MICAL2: variants seen among roughly 807,000 people sequenced by gnomAD.
MICAL2 encodes the protein [F-actin]-monooxygenase MICAL2.
Under a neutral mutation model 127.3 loss-of-function variants are expected in MICAL2, and 77 were observed. That is an observed-to-expected ratio of 0.60 (90% CI 0.50 to 0.73). The LOEUF (loss-of-function observed/expected upper bound fraction) is 0.73. Among genes scored for constraint, MICAL2 ranks in the 30% least tolerant of loss-of-function variants. The probability of loss-of-function intolerance (pLI) is 0.00; values close to 1 mark genes in which losing one functional copy is unlikely to be tolerated. For missense variants in MICAL2, 1,351 were observed against 1,434.4 expected, an observed-to-expected ratio of 0.94 and a Z score of 0.94; for synonymous variants, 570 against 551.1, an observed-to-expected ratio of 1.03 and a Z score of -0.48.
intron 15 of MICAL2, among the ~76,000 whole-genome samples, chr11:12,233,212 A>G (rs991714590): frequency 6.6e-5 from 10 of 152,240 alleles, no homozygotes; most frequent in Non-Finnish European, 1.0e-4. Flanking sequence ...CAGCTTATGA[A>G]CTAAACAATA....
chr11:12,220,171 G>A, intron 8 of MICAL2, 30 bp from the exon 9 acceptor site: 3 of 1,612,576 alleles, frequency 1.9e-6, no homozygotes, highest in Admixed American at 1.7e-5. Flanking sequence ...AGAGGGGGAG[G>A]TTGCTGCACC....
At chr11:12,294,518 C>A (rs563980501), downstream of MICAL2, 3 of 1,614,144 alleles carry the variant, frequency 1.9e-6, no homozygotes, top group East Asian at 2.2e-5. Context: ...TAGGTCCCCA[C>A]CCTGCAGCAA....
At chr11:12,182,475 C>T (rs567657481) in intron 3 of MICAL2, among the ~76,000 whole-genome samples, 12 of 152,230 alleles carry the variant, frequency 7.9e-5, no homozygotes, top group African/African-American at 2.4e-4. Flanking sequence ...TCTAACACAC[C>T]GTAGCGGCTT....
Position 12,125,366 on chromosome 11 carries a change from G to C in MICAL2, c.-148-13024G>C, listed in dbSNP as rs563777616. ...CCTCCTGGGTTCAAGTGCTTCTCCTGCCTCGACCTCCCGAGTAGCTGGGAA... is the reference window on the plus strand; with the variant it reads ...CCTCCTGGGTTCAAGTGCTTCTCCTCCCTCGACCTCCCGAGTAGCTGGGAA... On this transcript the variant is annotated intron_variant, in intron 1 of 27. Coordinates refer to ENST00000683283, the MANE Select transcript of MICAL2 (RefSeq NM_001282663.2). Among the ~76,000 whole-genome samples, 10 of 152,316 alleles carry C rather than the reference G, an allele frequency of 6.6e-5. 1 individual carries two copies. The East Asian group carries it at 1.5e-3, about 24-fold the overall frequency.
At chr11:12,141,227 C>T (rs1380186293) in intron 2 of MICAL2, among the ~76,000 whole-genome samples, 3 of 152,160 alleles carry the variant, frequency 2.0e-5, no homozygotes, top group Non-Finnish European at 4.4e-5. Flanking sequence ...GAGCCATGTT[C>T]TAGTGTTGAC....
chr11:12,200,045 A>G (rs1298699439), intron 3 of MICAL2, among the ~76,000 whole-genome samples: 2 of 152,134 alleles, frequency 1.3e-5, no homozygotes. Flanking sequence ...CCAGAACTGG[A>G]TGGGTGGAGA....
chr11:12,224,480 C>A (rs1188783240), intron 12 of MICAL2, 193 bp from the exon 13 acceptor site: 1 of 619,706 alleles, frequency 1.6e-6, no homozygotes. Context: ...TCCCCTCCTG[C>A]CACACTCCTG....
downstream of MICAL2, chr11:12,292,221 C>A (rs1174008970): frequency 8.1e-6 from 13 of 1,614,076 alleles, no homozygotes; most frequent in Admixed American, 1.7e-5. Flanking sequence ...TCATCGTCTT[C>A]CCATTCATCT....
downstream of MICAL2, among the ~76,000 whole-genome samples, chr11:12,359,901 A>G (rs987580335): frequency 1.3e-5 from 2 of 152,218 alleles, no homozygotes; most frequent in African/African-American, 4.8e-5. Flanking sequence ...CTGGAGACCA[A>G]ATTTCTCTCA....
intron 32 of MICAL2, among the ~76,000 whole-genome samples, chr11:12,342,587 T>C (rs1938884329): frequency 6.6e-6 from 1 of 152,248 alleles, no homozygotes; most frequent in African/African-American, 2.4e-5. Flanking sequence ...TGTGGTATGG[T>C]ATAGTTTACT....
Position 12,204,421 on chromosome 11 carries a change from T to C in MICAL2, c.436T>C (p.Tyr146His). ...TCGTGGCCTGGGAGCCAAGAAGTTC[T>C]ATGGGAAGTTCTGTGCTGGCTCCAT... is the stretch of plus-strand genomic sequence containing the variant. ...DLRGLGAKKF[Y>H]GKFCAGSIDH... The change falls in exon 4 of 28, where the codon TAT becomes CAT. Residue 146 changes from tyrosine (Y) to histidine (H), a missense_variant. Coordinates refer to ENST00000683283, the MANE Select transcript of MICAL2 (RefSeq NM_001282663.2). The C allele has an allele frequency of 6.2e-7, 1 of 1,614,206 alleles. No individual in the cohort carries two copies.
At chr11:12,300,355 T>A (rs914092829) in intron 29 of MICAL2, among the ~76,000 whole-genome samples, 1 of 152,344 alleles carries the variant, frequency 6.6e-6, no homozygotes, top group Non-Finnish European at 1.5e-5. Flanking sequence ...GGATTTCATT[T>A]CATCCCATGA....
chr11:12,132,402 C>G (rs1851493040), intron 1 of MICAL2, among the ~76,000 whole-genome samples: 1 of 152,244 alleles, frequency 6.6e-6, no homozygotes, highest in Non-Finnish European at 1.5e-5. Context: ...GGCACCATAT[C>G]TCACCCAGGA....
intron 3 of MICAL2, among the ~76,000 whole-genome samples, chr11:12,192,498 G>T (rs914279963): frequency 5.3e-5 from 8 of 152,220 alleles, no homozygotes; most frequent in Non-Finnish European, 1.2e-4. Context: ...CAGAAGCAAG[G>T]CACGGTGGCT....
At chr11:12,154,616 G>A (rs1291646342) in intron 2 of MICAL2, among the ~76,000 whole-genome samples, 1 of 152,174 alleles carries the variant, frequency 6.6e-6, no homozygotes, top group Non-Finnish European at 1.5e-5. Context: ...AGTTGAAATT[G>A]TATTGACTTT....
chr11:12,303,453 A>C (rs1450232810), intron 29 of MICAL2: 1 of 152,246 alleles, frequency 6.6e-6, no homozygotes, highest in Non-Finnish European at 1.5e-5. Flanking sequence ...ATGGTTTTCT[A>C]TTAAACACAA....
chr11:12,114,074 C>A (rs1849808088), intron 1 of MICAL2, among the ~76,000 whole-genome samples: 1 of 152,226 alleles, frequency 6.6e-6, no homozygotes, highest in African/African-American at 2.4e-5. Flanking sequence ...ATATTACAAA[C>A]ATTTTCACAT....
chr11:12,333,641 A>T (rs1590741847), intron 32 of MICAL2, among the ~76,000 whole-genome samples: 5 of 152,322 alleles, frequency 3.3e-5, no homozygotes, highest in Admixed American at 3.3e-4. Flanking sequence ...AAAATGTACA[A>T]GTAAACTATT....
intron 22 of MICAL2, chr11:12,254,802 CAGTCCCAT>C (rs1862087878): frequency 6.6e-6 from 1 of 151,764 alleles, no homozygotes. Flanking sequence ...GTGAATGTAA[CAGTCCCAT>C]GGCCCACCCA....
Sources: allele counts gnomAD v4.1 joint callset (sites outside exome capture counted in the v4.1 genomes callset), GRCh38; gene constraint gnomAD v4.1.1; transcripts MANE v1.5; gene names NCBI Gene and HGNC (gene_info 2026-07-23, HGNC 2026-07-21).